The following CDH12 variants were observed in gnomAD, a reference collection of about 807,000 sequenced individuals.
CDH12 encodes cadherin-12.
A neutral mutation model predicts 74.1 loss-of-function variants in CDH12; 41 were observed. The observed-to-expected ratio is 0.55, with a 90% CI of 0.43 to 0.72. The LOEUF (loss-of-function observed/expected upper bound fraction) is 0.72. Among genes scored for constraint, CDH12 ranks in the 30% least tolerant of loss-of-function variants. The pLI is 0.00. For missense variants in CDH12, 945 were observed against 977.2 expected (o/e 0.97, Z 0.44); for synonymous variants, 399 against 355.0 (o/e 1.12, Z -1.39).
chr5:22,256,041 T>C (rs1753303512), intron 3 of CDH12, among the ~76,000 whole-genome samples: 1 of 152,134 alleles, frequency 6.6e-6, no homozygotes, highest in Non-Finnish European at 1.5e-5. Flanking sequence ...ATATTATCAC[T>C]ATTGTATTAT....
intron 3 of CDH12, among the ~76,000 whole-genome samples, chr5:22,324,973 C>A (rs1465533181): frequency 6.6e-6 from 1 of 152,118 alleles, no homozygotes; most frequent in African/African-American, 2.4e-5. Context: ...ACTTAAAATA[C>A]CCTATACCTA....
intron 8 of CDH12, among the ~76,000 whole-genome samples, chr5:21,831,018 G>A (rs548714363): frequency 3.3e-5 from 5 of 151,232 alleles, no homozygotes; most frequent in African/African-American, 1.2e-4. Flanking sequence ...AAGCCGGGGC[G>A]ACAGAGAAAG....
In CDH12 at chr5:22,661,539, T is replaced by TA. The variant is rs201355013; in HGVS notation, c.-522-156176dup. ...GTAAACTTTTTATTAGTAAGCTTTTTAACCTTAAAATTTATTTCAGATAGA... is the reference window on the plus strand; with the variant it reads ...GTAAACTTTTTATTAGTAAGCTTTTTAAACCTTAAAATTTATTTCAGATAGA... On this transcript the variant is annotated intron_variant, in intron 1 of 14. Transcript: ENST00000382254. Among the ~76,000 whole-genome samples the TA allele has an allele frequency of 5.3e-3, 811 of 152,312 alleles. 7 individuals carry two copies. The highest frequency in any genetic ancestry group is 6.5e-3 in the Admixed American group (99 of 15,294).
At chr5:22,198,313 A>G (rs1347169404) in intron 4 of CDH12, among the ~76,000 whole-genome samples, 2 of 151,738 alleles carry the variant, frequency 1.3e-5, no homozygotes, top group African/African-American at 4.8e-5. Context: ...TTTATGTAAT[A>G]ACTAATAATG....
chr5:22,434,748 A>T (rs1744310487), intron 2 of CDH12, among the ~76,000 whole-genome samples: 1 of 152,150 alleles, frequency 6.6e-6, no homozygotes, highest in Admixed American at 6.6e-5. Context: ...TTTCAAGAAA[A>T]AATAGATTTT....
chr5:22,743,378 C>T lies in CDH12; in HGVS notation c.-523+109680G>A, dbSNP rs569965019. ...ACTCTGATGAATGCATGCTATTAAG[C>T]ATAAAATCTTAGGGGAGAATGCTCC... On this transcript the variant is annotated intron_variant, in intron 1 of 14. Coordinates refer to ENST00000382254, the MANE Select transcript of CDH12 (RefSeq NM_004061.5). 2.6e-5 allele frequency among the ~76,000 whole-genome samples: 4 copies of T among 151,044 alleles called. No individual in the cohort carries two copies. The South Asian group carries it at 6.3e-4, about 24-fold the overall frequency.
intron 7 of CDH12, among the ~76,000 whole-genome samples, chr5:21,847,811 T>C (rs1206227583): frequency 1.3e-5 from 2 of 152,152 alleles, no homozygotes; most frequent in African/African-American, 2.4e-5. Context: ...TTCATATTTC[T>C]TTCTCTAACA....
chr5:21,812,519 T>C (rs1747804119), intron 9 of CDH12, among the ~76,000 whole-genome samples: 1 of 152,148 alleles, frequency 6.6e-6, no homozygotes, highest in Non-Finnish European at 1.5e-5. Context: ...TTATTGAATA[T>C]ATGCTTGAGT....
At chr5:22,203,306 A>G (rs1356898360) in intron 4 of CDH12, among the ~76,000 whole-genome samples, 2 of 152,246 alleles carry the variant, frequency 1.3e-5, no homozygotes, top group East Asian at 3.9e-4. Context: ...CTATGGGATC[A>G]TCTTTTTCAG....
intron 9 of CDH12, among the ~76,000 whole-genome samples, chr5:21,806,407 G>A (rs1747429268): frequency 6.6e-6 from 1 of 151,984 alleles, no homozygotes; most frequent in Non-Finnish European, 1.5e-5. Flanking sequence ...TTTCTCTGAG[G>A]GAGGTTTCAT....
chr5:22,834,096 T>C lies in CDH12; in HGVS notation c.-523+18962A>G, dbSNP rs1736725227. Among the ~76,000 whole-genome samples the C allele has an allele frequency of 2.0e-5, 3 of 152,192 alleles. No homozygotes were observed. In the South Asian group the frequency reaches 6.2e-4, roughly 31 times the overall value. ...CTGAACACAAAGTGTTTTTGTTGTGTCTATTGCACTTTATAATTGCAAAAT... is the reference window on the plus strand; with the variant it reads ...CTGAACACAAAGTGTTTTTGTTGTGCCTATTGCACTTTATAATTGCAAAAT... On this transcript the variant is annotated intron_variant, in intron 1 of 14. Coordinates refer to ENST00000382254, the MANE Select transcript of CDH12 (RefSeq NM_004061.5).
intron 5 of CDH12, among the ~76,000 whole-genome samples, chr5:22,055,002 C>T (rs1359440733): frequency 6.6e-6 from 1 of 152,160 alleles, no homozygotes; most frequent in Non-Finnish European, 1.5e-5. Flanking sequence ...CATCCAATGT[C>T]ACCCACTTTA....
In CDH12 at chr5:21,975,519, T is replaced by C. The variant is rs564338233; in HGVS notation, c.232-134A>G. 3.3e-6 allele frequency: 2 copies of C among 607,922 alleles called. 1 individual carries two copies. Among genetic ancestry groups the C allele is most frequent in the East Asian group, 5.9e-5 (2 of 34,008 alleles). The allele number at this position is 607,922 out of a possible 1,614,324, so 37.7% of individuals were successfully genotyped here. A position where few individuals can be genotyped will look rare whatever the true frequency, so the allele number is the denominator to read the frequency against. ...TTTAATCAAAAATGTTAAATAAAAA[T>C]CTTATGGTTCTGTTTTCTCGTTTTT... On this transcript the variant is annotated intron_variant, in intron 5 of 14. Transcript: ENST00000382254.
intron 1 of CDH12, among the ~76,000 whole-genome samples, chr5:22,683,536 G>T (rs1316374543): frequency 6.6e-6 from 1 of 152,134 alleles, no homozygotes; most frequent in Non-Finnish European, 1.5e-5. Context: ...GAAACACACT[G>T]CAGTGTCATC....
At chr5:22,129,756 T>G (rs1746082336) in intron 4 of CDH12, among the ~76,000 whole-genome samples, 1 of 152,040 alleles carries the variant, frequency 6.6e-6, no homozygotes, top group Admixed American at 6.6e-5. Context: ...ATATATATTC[T>G]GAGCTGTGAT....
At chr5:22,374,999 C>A (rs1355809198) in intron 3 of CDH12, among the ~76,000 whole-genome samples, 2 of 151,848 alleles carry the variant, frequency 1.3e-5, no homozygotes. Flanking sequence ...ATAGTCAAAG[C>A]AATACTGAGC....
rs889600557 is a variant in CDH12 at position 22,670,154 on chromosome 5, T to A, written c.-522-164790A>T. Among the ~76,000 whole-genome samples the A allele has an allele frequency of 3.3e-5, 5 of 152,214 alleles. No individual in the cohort carries two copies. The East Asian group carries it at 9.7e-4, about 29-fold the overall frequency. On this transcript the variant is annotated intron_variant, in intron 1 of 14. Coordinates refer to ENST00000382254, the MANE Select transcript of CDH12 (RefSeq NM_004061.5). ...CCATACTTTAAGACTTTAATCAAGA[T>A]GTAGACCCAGCAGCTTTTTGTTTAT...
chr5:21,985,773 C>A (rs1757491675), intron 5 of CDH12, among the ~76,000 whole-genome samples: 1 of 152,030 alleles, frequency 6.6e-6, no homozygotes, highest in Non-Finnish European at 1.5e-5. Flanking sequence ...TTATTCTGAG[C>A]TCAAGAACAT....
intron 2 of CDH12, among the ~76,000 whole-genome samples, chr5:22,431,023 A>G (rs948150673): frequency 6.6e-6 from 1 of 152,154 alleles, no homozygotes; most frequent in Admixed American, 6.6e-5. Flanking sequence ...CTATGCTTAT[A>G]TTCCTGCAGT....
Sources: allele counts gnomAD v4.1 joint callset (sites outside exome capture counted in the v4.1 genomes callset), GRCh38; gene constraint gnomAD v4.1.1; transcripts MANE v1.5; gene names NCBI Gene and HGNC (gene_info 2026-07-23, HGNC 2026-07-21).